The following SLC9A9 variants were observed in gnomAD, a reference collection of about 807,000 sequenced individuals.
SLC9A9 encodes solute carrier family 9 member A9, also known as sodium/hydrogen exchanger 9.
A neutral mutation model predicts 77.8 loss-of-function variants in SLC9A9; 62 were observed. The observed-to-expected ratio is 0.80, with a 90% confidence interval of 0.65 to 0.98. SLC9A9 has a LOEUF of 0.98. SLC9A9 is among the 50% of genes least tolerant of loss of function. SLC9A9 has a pLI of 0.00. For synonymous variants in SLC9A9, 320 were observed against 283.5 expected (o/e 1.13, Z -1.29); for missense variants, 775 against 774.9 (o/e 1.00, Z 0.00).
intron 9 of SLC9A9, among the ~76,000 whole-genome samples, chr3:143,520,648 T>C (rs9818142): frequency 0.22 from 33,593 of 152,116 alleles, 4,816 homozygotes; most frequent in Non-Finnish European, 0.33. Flanking sequence ...AGCCTCACTT[T>C]ACAGATGAGA....
intron 12 of SLC9A9, among the ~76,000 whole-genome samples, chr3:143,388,063 TG>T (rs2033467946): frequency 6.6e-6 from 1 of 152,066 alleles, no homozygotes; most frequent in African/African-American, 2.4e-5. Context: ...GATGGCAAAG[TG>T]TAAAAAAATG....
At chr3:143,488,608 G>T (rs1443130877) in intron 11 of SLC9A9, among the ~76,000 whole-genome samples, 1 of 151,888 alleles carries the variant, frequency 6.6e-6, no homozygotes, top group Admixed American at 6.6e-5. Context: ...AAAAATCAAT[G>T]AGTGTAATAC....
intron 11 of SLC9A9, among the ~76,000 whole-genome samples, chr3:143,486,250 A>G (rs937369114): frequency 2.6e-5 from 4 of 152,218 alleles, no homozygotes; most frequent in African/African-American, 9.6e-5. Context: ...ATTCCCAAGT[A>G]AACAAAAGTT....
chr3:143,367,624 G>A (rs1227277153), intron 13 of SLC9A9, among the ~76,000 whole-genome samples: 4 of 152,194 alleles, frequency 2.6e-5, no homozygotes, highest in Non-Finnish European at 5.9e-5. Flanking sequence ...AATCACCCTG[G>A]AACAGGGAAG....
chr3:143,391,632 T>TTCTCTCAACTCG (rs2033568894), intron 12 of SLC9A9, among the ~76,000 whole-genome samples: 1 of 152,178 alleles, frequency 6.6e-6, no homozygotes, highest in Admixed American at 6.5e-5. Flanking sequence ...AGAAGAAGGC[T>TTCTCTCAACTCG]TCAAACGATC....
At chr3:143,386,680 C>T (rs1244037573) in intron 12 of SLC9A9, among the ~76,000 whole-genome samples, 1 of 152,144 alleles carries the variant, frequency 6.6e-6, no homozygotes, top group Non-Finnish European at 1.5e-5. Flanking sequence ...ATAAGCCCTC[C>T]TAGTCCTTGT....
At chr3:143,524,247 G>T (rs2036366254) in intron 9 of SLC9A9, among the ~76,000 whole-genome samples, 1 of 152,038 alleles carries the variant, frequency 6.6e-6, no homozygotes. Context: ...GGATGGAAAG[G>T]ATGACCCAAC....
chr3:143,376,875 C>T (rs1279126710), intron 13 of SLC9A9, among the ~76,000 whole-genome samples: 1 of 152,158 alleles, frequency 6.6e-6, no homozygotes, highest in African/African-American at 2.4e-5. Flanking sequence ...AAGCTCTCAC[C>T]TGGGTCACAT....
chr3:143,390,156 C>T (rs192059403), intron 12 of SLC9A9, among the ~76,000 whole-genome samples: 9 of 152,318 alleles, frequency 5.9e-5, no homozygotes, highest in East Asian at 1.9e-4. Context: ...TGCCCATATG[C>T]CATTTACTTT....
chr3:143,495,147 T>G (rs917812702), intron 10 of SLC9A9, among the ~76,000 whole-genome samples, 188 bp downstream of exon 10: 2 of 152,226 alleles, frequency 1.3e-5, no homozygotes, highest in African/African-American at 2.4e-5. Flanking sequence ...TGAACCATAA[T>G]TATTTAATGG....
At position 143,485,776 on chromosome 3, in the gene SLC9A9, C is replaced by T. The variant is rs143083605; in HGVS notation, c.1315+7877G>A. 8.7e-4 allele frequency among the ~76,000 whole-genome samples: 132 copies of T among 151,902 alleles called. 2 individuals carry two copies. In the East Asian group the frequency reaches 0.023, roughly 26 times the overall value. ...TAACAGAAACTATCCCTGAAAAAGACGTGATGGCAGATATACTAGACAAAG... is the reference window on the plus strand; with the variant it reads ...TAACAGAAACTATCCCTGAAAAAGATGTGATGGCAGATATACTAGACAAAG... On this transcript the variant is annotated intron_variant, in intron 11 of 15. Transcript: ENST00000316549.
intron 4 of SLC9A9, among the ~76,000 whole-genome samples, chr3:143,766,819 C>T (rs1200831658): frequency 6.6e-6 from 1 of 152,188 alleles, no homozygotes; most frequent in Non-Finnish European, 1.5e-5. Flanking sequence ...GGTAATCTGC[C>T]TGCCTTGGCC....
intron 12 of SLC9A9, among the ~76,000 whole-genome samples, chr3:143,445,586 CAAGCCGAGCTGAGCTGCAGATG>C (rs770034981): frequency 1.5e-4 from 23 of 152,178 alleles, no homozygotes; most frequent in Non-Finnish European, 2.9e-4. Flanking sequence ...CAAACAGAGT[CAAGCCGAGCTGAGCTGCAGATG>C]AACCCAGCAG....
intron 13 of SLC9A9, among the ~76,000 whole-genome samples, chr3:143,377,452 T>C (rs951650899): frequency 7.9e-5 from 12 of 152,216 alleles, no homozygotes; most frequent in African/African-American, 1.9e-4. Context: ...CTGTCAGTTA[T>C]TGAAGTTGCC....
chr3:143,460,749 A>T (rs1192378967), intron 12 of SLC9A9, among the ~76,000 whole-genome samples: 1 of 152,224 alleles, frequency 6.6e-6, no homozygotes, highest in Non-Finnish European at 1.5e-5. Context: ...ATGGCACTGA[A>T]AGCAAATTTA....
intron 4 of SLC9A9, among the ~76,000 whole-genome samples, chr3:143,751,753 C>T (rs995740921): frequency 3.3e-5 from 5 of 152,198 alleles, no homozygotes; most frequent in African/African-American, 9.7e-5. Context: ...TGACACTACT[C>T]AAGATCGGGC....
chr3:143,420,359 C>T (rs1306972818), intron 12 of SLC9A9, among the ~76,000 whole-genome samples: 1 of 152,206 alleles, frequency 6.6e-6, no homozygotes, highest in African/African-American at 2.4e-5. Flanking sequence ...TATTATTACA[C>T]TTAAGCATGA....
chr3:143,337,276 C>T (rs957589944), intron 14 of SLC9A9, among the ~76,000 whole-genome samples: 1 of 152,118 alleles, frequency 6.6e-6, no homozygotes, highest in African/African-American at 2.4e-5. Context: ...ACCCCCCACC[C>T]TCATTCAGAA....
At chr3:143,711,260 A>C (rs1934186085) in intron 4 of SLC9A9, among the ~76,000 whole-genome samples, 1 of 152,182 alleles carries the variant, frequency 6.6e-6, no homozygotes, top group Admixed American at 6.6e-5. Context: ...TGTAAAGTGA[A>C]CTTTTGTAAT....
Sources: allele counts gnomAD v4.1 joint callset (sites outside exome capture counted in the v4.1 genomes callset), GRCh38; gene constraint gnomAD v4.1.1; transcripts MANE v1.5; gene names NCBI Gene and HGNC (gene_info 2026-07-23, HGNC 2026-07-21).